The following PCBP3 variants were observed in gnomAD, a reference collection of about 807,000 sequenced individuals.
The protein encoded by PCBP3 is poly(rC) binding protein 3.
Under a neutral mutation model 52.7 loss-of-function variants are expected in PCBP3, and 25 were observed. That is an observed-to-expected ratio of 0.47 (90% CI 0.35 to 0.66). The LOEUF (loss-of-function observed/expected upper bound fraction) is 0.66, where lower values mean the gene tolerates loss of function less well. PCBP3 is among the 30% of genes least tolerant of loss of function. The probability of loss-of-function intolerance (pLI) is 0.01; values close to 1 mark genes in which losing one functional copy is unlikely to be tolerated. For synonymous variants in PCBP3, 162 were observed against 183.0 expected (o/e 0.89, Z 0.93); for missense variants, 391 against 490.3 (o/e 0.80, Z 1.91).
intron 9 of PCBP3, among the ~76,000 whole-genome samples, chr21:45,908,512 A>G (rs2096261874): frequency 6.6e-6 from 1 of 152,226 alleles, no homozygotes; most frequent in African/African-American, 2.4e-5. Flanking sequence ...CGTGGAGAGC[A>G]AATCCTGTTG....
rs8127564 is a variant in PCBP3 at position 45,854,968 on chromosome 21, A to C, written c.10+4873A>C. On this transcript the variant is annotated intron_variant, in intron 5 of 17. Transcript: ENST00000681687. ...TTCACAGCAGGCTGAAACCCAGAAG[A>C]TGGCAGAAAGCTGACAGAGAGCTCC... Among the ~76,000 whole-genome samples, 298 of 152,360 alleles carry C rather than the reference A, an allele frequency of 2.0e-3. 2 individuals carry two copies. Among genetic ancestry groups the C allele is most frequent in the African/African-American group, 6.9e-3 (286 of 41,590 alleles).
rs988579352 is a variant in PCBP3 at position 45,788,667 on chromosome 21, C to T, written c.-126+33215C>T. On this transcript the variant is annotated intron_variant, in intron 4 of 17. Transcript: ENST00000681687. This position sits in a 1 kb window ranked among gnomAD's most constrained non-coding sequence, Gnocchi z 4.3. ...TGACCTCACTCACTGTGGGCCGCCACGAGGGCCCCTCAGAGACGATGCTAA... is the reference window on the plus strand; with the variant it reads ...TGACCTCACTCACTGTGGGCCGCCATGAGGGCCCCTCAGAGACGATGCTAA... The T allele has an allele frequency of 5.9e-5, 9 of 152,230 alleles. No individual in the cohort carries two copies. Among genetic ancestry groups the T allele is most frequent in the African/African-American group, 1.7e-4 (7 of 41,454 alleles). The allele number at this position is 152,230 out of a possible 1,614,324, so 9.4% of individuals were successfully genotyped here.
At chr21:45,728,604 C>G (rs1002670278) in intron 2 of PCBP3, 1 of 152,238 alleles carries the variant, frequency 6.6e-6, no homozygotes, top group African/African-American at 2.4e-5. Flanking sequence ...GAAGTATTCT[C>G]TCATCTTCAG....
At chr21:45,769,010 T>A (rs1410068508) in intron 4 of PCBP3, among the ~76,000 whole-genome samples, 1 of 152,254 alleles carries the variant, frequency 6.6e-6, no homozygotes, top group Non-Finnish European at 1.5e-5. Flanking sequence ...GCTTCTCTGT[T>A]CAGGGCTGTT....
At chr21:45,893,238 A>G (rs1603472442) in intron 5 of PCBP3, among the ~76,000 whole-genome samples, 1 of 113,150 alleles carries the variant, frequency 8.8e-6, no homozygotes, top group Non-Finnish European at 1.8e-5. Flanking sequence ...AGTGGGGAGG[A>G]GGGAGGGGGC....
chr21:45,841,155 A>G (rs1444412726), intron 4 of PCBP3, among the ~76,000 whole-genome samples: 3 of 152,204 alleles, frequency 2.0e-5, no homozygotes, highest in Non-Finnish European at 2.9e-5. Flanking sequence ...GAAATCACCT[A>G]AAAGTGCATT....
At chr21:45,709,458 A>G (rs1425028436) in intron 2 of PCBP3, among the ~76,000 whole-genome samples, 3 of 152,230 alleles carry the variant, frequency 2.0e-5, no homozygotes, top group Non-Finnish European at 4.4e-5. Flanking sequence ...TGACCTCTGC[A>G]ATGTCAGTGT....
chr21:45,784,022 G>A (rs548739896), intron 4 of PCBP3, among the ~76,000 whole-genome samples: 5 of 152,296 alleles, frequency 3.3e-5, no homozygotes, highest in Admixed American at 6.5e-5. Context: ...GTGCTTTTCA[G>A]TTTGTCAAAG....
chr21:45,878,082 T>C (rs1490456804), intron 5 of PCBP3, among the ~76,000 whole-genome samples: 2 of 152,200 alleles, frequency 1.3e-5, no homozygotes, highest in Non-Finnish European at 2.9e-5. Context: ...GAGAGGGAGC[T>C]CCTGCTGGTT....
At chr21:45,714,745 A>C (rs1306616298) in intron 2 of PCBP3, among the ~76,000 whole-genome samples, 1 of 152,214 alleles carries the variant, frequency 6.6e-6, no homozygotes, top group Admixed American at 6.5e-5. Context: ...GCAGGCATGA[A>C]GTCAGTTAAT....
intron 4 of PCBP3, among the ~76,000 whole-genome samples, chr21:45,840,420 G>A (rs991791129): frequency 2.1e-5 from 3 of 142,366 alleles, no homozygotes; most frequent in Non-Finnish European, 4.5e-5. Context: ...TTGCGCCACT[G>A]CACTCCAGCC....
rs377452323 is a variant in PCBP3 at position 45,920,241 on chromosome 21, A to G, written c.717+2612A>G. Among the ~76,000 whole-genome samples the G allele has an allele frequency of 1.3e-4, 20 of 152,318 alleles. No homozygotes were observed. The East Asian group carries it at 2.9e-3, about 22-fold the overall frequency. ...CGGATTTCCTGTGGCCACAGAGCCT[A>G]ACGTTCTCACTGTGGCCTTTGGCTG... On this transcript the variant is annotated intron_variant, in intron 13 of 17. Transcript: ENST00000681687.
chr21:45,900,865 A>C, intron 8 of PCBP3, 132 bp from the exon 9 acceptor site: 1 of 732,574 alleles, frequency 1.4e-6, no homozygotes, highest in Non-Finnish European at 2.5e-6. Context: ...GAAGCATTTT[A>C]CTGTTCATTC....
chr21:45,903,872 G>C (rs1217615298), intron 9 of PCBP3, among the ~76,000 whole-genome samples: 2 of 152,188 alleles, frequency 1.3e-5, no homozygotes, highest in East Asian at 3.8e-4. Context: ...ACCTCAGTTT[G>C]AGGTCCTGTG....
chr21:45,678,909 AGAGT>A, intron 2 of PCBP3, among the ~76,000 whole-genome samples: 1 of 152,170 alleles, frequency 6.6e-6, no homozygotes. Flanking sequence ...CGTGAAAGGA[AGAGT>A]CCATTGATGT....
intron 5 of PCBP3, among the ~76,000 whole-genome samples, chr21:45,882,483 C>T (rs2095426685): frequency 6.6e-6 from 1 of 151,934 alleles, no homozygotes; most frequent in South Asian, 2.1e-4. Flanking sequence ...CCTAGGTTGT[C>T]TCTTCACTCT....
At chr21:45,927,070 C>G (rs1025344950) in intron 13 of PCBP3, among the ~76,000 whole-genome samples, 3 of 152,034 alleles carry the variant, frequency 2.0e-5, no homozygotes, top group African/African-American at 7.2e-5. Flanking sequence ...AGGTTAGAAC[C>G]ACTGTGCTGG....
At chr21:45,927,527 G>A (rs1052908567) in intron 13 of PCBP3, among the ~76,000 whole-genome samples, 25 of 150,702 alleles carry the variant, frequency 1.7e-4, no homozygotes, top group African/African-American at 5.6e-4. Flanking sequence ...GAGTCCAAAC[G>A]AGGTGCAGTG....
chr21:45,702,783 C>G (rs1176113979), intron 2 of PCBP3, among the ~76,000 whole-genome samples: 1 of 152,184 alleles, frequency 6.6e-6, no homozygotes. Flanking sequence ...CTTCCTTTCA[C>G]GAAAGTTTTC....
Sources: allele counts gnomAD v4.1 joint callset (sites outside exome capture counted in the v4.1 genomes callset), GRCh38; gene constraint gnomAD v4.1.1; non-coding constraint Gnocchi (gnomAD v3.1); transcripts MANE v1.5; gene names NCBI Gene and HGNC (gene_info 2026-07-23, HGNC 2026-07-21).